Variants in ABCC4 observed in about 807,000 individuals in gnomAD.
ABCC4 encodes ATP-binding cassette sub-family C member 4.
In ABCC4, 102 loss-of-function variants were observed where a neutral mutation model predicts 168.5. The ratio of observed to expected loss-of-function variants is 0.61; its 90% CI spans 0.52 to 0.71. ABCC4 has a LOEUF of 0.71. Ranked by LOEUF, ABCC4 falls within the 30% of genes least tolerant of loss-of-function variation. The pLI, the probability that ABCC4 is intolerant of heterozygous loss-of-function variation, is 0.00. For synonymous variants in ABCC4, 617 were observed against 590.7 expected (o/e 1.04, Z -0.65); for missense variants, 1,402 against 1,605.8 (o/e 0.87, Z 2.17).
chr13:95,182,764 G>A (rs1403600792), intron 11 of ABCC4, among the ~76,000 whole-genome samples: 3 of 152,170 alleles, frequency 2.0e-5, no homozygotes, highest in Non-Finnish European at 4.4e-5. Flanking sequence ...AAGAGGAACT[G>A]AGACTCAATC....
chr13:95,268,881 G>A (rs918926028), intron 1 of ABCC4, among the ~76,000 whole-genome samples: 7 of 152,010 alleles, frequency 4.6e-5, no homozygotes, highest in African/African-American at 9.7e-5. Flanking sequence ...TATTCTGAGC[G>A]GCGGTCCCCT....
At chr13:95,187,693 T>C (rs537905349) in intron 10 of ABCC4, among the ~76,000 whole-genome samples, 6 of 152,306 alleles carry the variant, frequency 3.9e-5, no homozygotes, top group Admixed American at 3.9e-4. Flanking sequence ...ACTTTTATTT[T>C]TAAATACCCA....
chr13:95,192,888 C>T (rs1404526440), intron 9 of ABCC4, among the ~76,000 whole-genome samples: 2 of 152,120 alleles, frequency 1.3e-5, no homozygotes, highest in African/African-American at 4.8e-5. Flanking sequence ...CACTGCACTC[C>T]AGCCTAGGCA....
chr13:95,181,894 T>C (rs1254683215), intron 11 of ABCC4, among the ~76,000 whole-genome samples: 1 of 152,178 alleles, frequency 6.6e-6, no homozygotes, highest in Admixed American at 6.5e-5. Flanking sequence ...TCTCTATCCA[T>C]ATACAGCACT....
chr13:95,247,634 C>T lies in ABCC4; in HGVS notation c.185+9G>A. 1 of 1,609,684 alleles carries T rather than the reference C, an allele frequency of 6.2e-7. No individual in the cohort carries two copies. Among genetic ancestry groups the T allele is most frequent in the Non-Finnish European group, 8.5e-7 (1 of 1,176,242 alleles). On this transcript the variant is annotated intron_variant, in intron 2 of 30. Transcript: ENST00000645237. ...TTCCTTAATGCCCACTTTACTGCCTCCGACTTACCCTTGCAACTCCTCTCC... is the reference window on the plus strand; with the variant it reads ...TTCCTTAATGCCCACTTTACTGCCTTCGACTTACCCTTGCAACTCCTCTCC...
At chr13:95,253,743 A>G (rs2040326851) in intron 1 of ABCC4, among the ~76,000 whole-genome samples, 1 of 151,126 alleles carries the variant, frequency 6.6e-6, no homozygotes, top group African/African-American at 2.4e-5. Context: ...GACCCCATCA[A>G]AAAAAAAACA....
chr13:95,030,385 A>G (rs1326680869), intron 30 of ABCC4, among the ~76,000 whole-genome samples: 2 of 151,996 alleles, frequency 1.3e-5, no homozygotes, highest in Admixed American at 1.3e-4. Flanking sequence ...CACCTCTGTT[A>G]CTCACTGGGA....
intron 13 of ABCC4, among the ~76,000 whole-genome samples, chr13:95,177,110 A>T (rs1321083927): frequency 6.6e-6 from 1 of 152,188 alleles, no homozygotes; most frequent in African/African-American, 2.4e-5. Flanking sequence ...GTAAGAATCC[A>T]TGAAGCAACA....
intron 25 of ABCC4, among the ~76,000 whole-genome samples, chr13:95,070,439 G>A (rs1425133947): frequency 6.6e-6 from 1 of 152,108 alleles, no homozygotes; most frequent in Non-Finnish European, 1.5e-5. Context: ...AGATTCTACT[G>A]TCTTGTTTGT....
At chr13:95,204,180 AACACAC>A (rs1013980821) in intron 8 of ABCC4, among the ~76,000 whole-genome samples, 1 of 152,156 alleles carries the variant, frequency 6.6e-6, no homozygotes, top group Non-Finnish European at 1.5e-5. Context: ...TGTGCTGGGA[AACACAC>A]ACAGGTAAGC....
At chr13:95,194,959 C>G (rs2038371295) in intron 8 of ABCC4, 22 bp from the exon 9 acceptor site, 1 of 1,594,432 alleles carries the variant, frequency 6.3e-7, no homozygotes, top group Non-Finnish European at 8.6e-7. Flanking sequence ...GGGAAAAACA[C>G]AGATTGTTTA....
In ABCC4 at chr13:95,140,369, T is replaced by G. The variant is rs16950656; in HGVS notation, c.2455+20820A>C. Among the ~76,000 whole-genome samples, 1,129 of 152,266 alleles carry G rather than the reference T, an allele frequency of 7.4e-3. 18 individuals carry two copies. Among genetic ancestry groups the G allele is most frequent in the African/African-American group, 0.025 (1,020 of 41,548 alleles). On this transcript the variant is annotated intron_variant, in intron 19 of 30. Transcript: ENST00000645237. ...TTGCAAGTGCATTAAAACCTAAAGTTTTCTCCAGACACAAATAAAATGGAC... is the reference window on the plus strand; with the variant it reads ...TTGCAAGTGCATTAAAACCTAAAGTGTTCTCCAGACACAAATAAAATGGAC...
At chr13:95,051,453 C>T (rs1313304034) in intron 27 of ABCC4, among the ~76,000 whole-genome samples, 3 of 152,036 alleles carry the variant, frequency 2.0e-5, no homozygotes, top group African/African-American at 7.2e-5. Flanking sequence ...ACTGCAGCCT[C>T]GACCTCCAGG....
At position 95,163,642 on chromosome 13, in the gene ABCC4, G is replaced by C. The variant is rs746742159; in HGVS notation, c.2181C>G (p.Ala727=). The C allele has an allele frequency of 1.1e-5, 17 of 1,611,416 alleles. No homozygotes were observed. In the South Asian group the frequency reaches 1.8e-4, roughly 17 times the overall value. Residue 727 remains alanine, a synonymous_variant, in exon 17 of 31, where the codon GCC becomes GCG. Coordinates refer to ENST00000645237, the MANE Select transcript of ABCC4 (RefSeq NM_005845.5). ...LILLNTAAQV[A]YVLQDWWLSY... is the part of the protein sequence containing the mutation. ...AAAGCCACCAATCTTGAAGCACATA[G>C]GCAACCTAGGAGGGGAGAAACAACA... is the stretch of plus-strand genomic sequence containing the variant.
intron 27 of ABCC4, among the ~76,000 whole-genome samples, chr13:95,047,799 G>T (rs2032657697): frequency 6.6e-6 from 1 of 152,020 alleles, no homozygotes; most frequent in Admixed American, 6.6e-5. Flanking sequence ...TTTTAATAAT[G>T]CAGTCAGCTA....
intron 1 of ABCC4, among the ~76,000 whole-genome samples, chr13:95,267,738 T>C (rs903658478): frequency 1.4e-4 from 21 of 152,260 alleles, no homozygotes; most frequent in African/African-American, 4.8e-4. Context: ...ATCAGGGACA[T>C]AATATAACAT....
At chr13:95,029,251 GAGAA>G (rs1189296377) in intron 30 of ABCC4, among the ~76,000 whole-genome samples, 12 of 4,910 alleles carry the variant, frequency 2.4e-3, no homozygotes, top group Non-Finnish European at 4.9e-3. Flanking sequence ...GAGAGAGAGA[GAGAA>G]AGAGAGAGAG....
At position 95,118,369 on chromosome 13, in the gene ABCC4, G is replaced by A. The variant is rs139555209; in HGVS notation, c.2456-2368C>T. Among the ~76,000 whole-genome samples the A allele has an allele frequency of 9.9e-5, 15 of 151,618 alleles. No homozygotes were observed. The East Asian group carries it at 1.9e-3, about 20-fold the overall frequency. Reference sequence around the variant, plus strand: ...AGTGATTCTCCTGCCTCAGCCTCCCGCGTAGCTGAGATTACAGGCACATGC... The same window carrying A: ...AGTGATTCTCCTGCCTCAGCCTCCCACGTAGCTGAGATTACAGGCACATGC... On this transcript the variant is annotated intron_variant, in intron 19 of 30. Transcript: ENST00000645237.
At chr13:95,222,535 T>C (rs1387221377) in intron 4 of ABCC4, among the ~76,000 whole-genome samples, 2 of 151,986 alleles carry the variant, frequency 1.3e-5, no homozygotes, top group African/African-American at 4.8e-5. Flanking sequence ...GGCTGTGGGG[T>C]GGGGGTGCTA....
Sources: gnomAD v4.1 joint callset for allele counts (sites outside exome capture counted in the v4.1 genomes callset) on GRCh38, gnomAD v4.1.1 for gene constraint, MANE v1.5 for transcripts, NCBI Gene and HGNC (gene_info 2026-07-23, HGNC 2026-07-21) for gene names.